The following DLGAP1 variants were observed in gnomAD, a reference collection of about 807,000 sequenced individuals.
The protein encoded by DLGAP1 is disks large-associated protein 1.
DLGAP1 carries 11 observed loss-of-function variants against 90.8 expected under a neutral mutation model. That is an observed-to-expected ratio of 0.12 (90% CI 0.08 to 0.20). The LOEUF is 0.20. Ranked by LOEUF, DLGAP1 falls within the 10% of genes least tolerant of loss-of-function variation. The probability of loss-of-function intolerance (pLI) is 1.00; values close to 1 mark genes in which losing one functional copy is unlikely to be tolerated. For missense variants in DLGAP1, 1,050 were observed against 1,333.8 expected, an observed-to-expected ratio of 0.79 and a Z score of 3.31; for synonymous variants, 558 against 540.7, an observed-to-expected ratio of 1.03 and a Z score of -0.44.
chr18:4,141,541 T>C (rs1598472602), intron 2 of DLGAP1, among the ~76,000 whole-genome samples: 1 of 151,992 alleles, frequency 6.6e-6, no homozygotes, highest in African/African-American at 2.4e-5. Flanking sequence ...GTCTTAATAT[T>C]ATAAAAACAG....
chr18:4,164,275 A>G (rs1014807388), intron 1 of DLGAP1, among the ~76,000 whole-genome samples: 3 of 152,226 alleles, frequency 2.0e-5, no homozygotes, highest in Non-Finnish European at 4.4e-5. Context: ...AATCAAGGAA[A>G]CAACAACTTG....
At chr18:3,777,878 A>G (rs1194620942) in intron 5 of DLGAP1, among the ~76,000 whole-genome samples, 2 of 152,224 alleles carry the variant, frequency 1.3e-5, no homozygotes, top group Non-Finnish European at 1.5e-5. Context: ...CTTTAGATCT[A>G]AAGTCAGAGT....
chr18:3,640,344 A>T (rs1050061733), intron 7 of DLGAP1, among the ~76,000 whole-genome samples: 3 of 152,236 alleles, frequency 2.0e-5, no homozygotes, highest in African/African-American at 7.2e-5. Context: ...TCTTAGGAGC[A>T]AAGCCAGAAT....
intron 7 of DLGAP1, among the ~76,000 whole-genome samples, chr18:3,689,732 G>A (rs1433019218): frequency 2.0e-5 from 3 of 151,988 alleles, no homozygotes; most frequent in Admixed American, 6.6e-5. Context: ...TGTATGCCTT[G>A]GAAGACCAGT....
chr18:3,568,382 T>C (rs115115188), intron 8 of DLGAP1, among the ~76,000 whole-genome samples: 1,553 of 152,282 alleles, frequency 0.01, 16 homozygotes, highest in African/African-American at 0.035. Context: ...AGTTTCTAAA[T>C]AGCTATGTGT....
intron 10 of DLGAP1, among the ~76,000 whole-genome samples, chr18:3,511,003 G>A (rs552875087): frequency 1.4e-4 from 21 of 152,190 alleles, no homozygotes; most frequent in Non-Finnish European, 2.4e-4. Context: ...AAGTATCTGG[G>A]GTGGAGTTGT....
At chr18:4,075,141 C>A (rs927750453) in intron 2 of DLGAP1, among the ~76,000 whole-genome samples, 15 of 152,190 alleles carry the variant, frequency 9.9e-5, no homozygotes, top group African/African-American at 3.6e-4. Flanking sequence ...GGGGCAGCCA[C>A]TTGACATTAA....
chr18:3,790,995 C>G (rs1055890165), intron 5 of DLGAP1, among the ~76,000 whole-genome samples: 1 of 152,152 alleles, frequency 6.6e-6, no homozygotes, highest in Non-Finnish European at 1.5e-5. Flanking sequence ...AAGAACCAAC[C>G]AGGCTCCCGC....
intron 1 of DLGAP1, among the ~76,000 whole-genome samples, chr18:4,437,254 C>T (rs751735172): frequency 1.3e-5 from 2 of 152,112 alleles, no homozygotes; most frequent in Admixed American, 1.3e-4. Context: ...AACATACTAG[C>T]CAAGTGGAAC....
At chr18:4,340,273 T>C (rs1475854314) in intron 1 of DLGAP1, among the ~76,000 whole-genome samples, 1 of 152,092 alleles carries the variant, frequency 6.6e-6, no homozygotes, top group Admixed American at 6.6e-5. Context: ...GACTAATGGG[T>C]GGGGAGTGTA....
At chr18:3,539,214 G>A (rs1004720823) in intron 9 of DLGAP1, among the ~76,000 whole-genome samples, 5 of 152,172 alleles carry the variant, frequency 3.3e-5, no homozygotes, top group African/African-American at 1.2e-4. Context: ...CTGCAATTTT[G>A]ATAGGAACAC....
intron 2 of DLGAP1, among the ~76,000 whole-genome samples, chr18:4,118,038 C>A (rs1024483333): frequency 6.6e-6 from 1 of 152,000 alleles, no homozygotes; most frequent in African/African-American, 2.4e-5. Context: ...CAGGAGGGTT[C>A]TTCTTGGTGG....
intron 3 of DLGAP1, among the ~76,000 whole-genome samples, chr18:3,932,260 T>A (rs1035438802): frequency 6.6e-6 from 1 of 152,140 alleles, no homozygotes; most frequent in East Asian, 1.9e-4. Flanking sequence ...AGTACACACA[T>A]ATAGCCCAGG....
chr18:4,397,352 AC>A (rs1196088239), intron 1 of DLGAP1, among the ~76,000 whole-genome samples: 2 of 152,222 alleles, frequency 1.3e-5, no homozygotes, highest in East Asian at 1.9e-4. Flanking sequence ...CAGAGTAAGT[AC>A]TAAAATAGAT....
chr18:3,976,589 T>C (rs1039127096), intron 3 of DLGAP1, among the ~76,000 whole-genome samples: 1 of 152,212 alleles, frequency 6.6e-6, no homozygotes, highest in Non-Finnish European at 1.5e-5. Flanking sequence ...TTTAAATCTA[T>C]ACCTATGTCA....
chr18:3,905,697 G>A (rs1284098406), intron 3 of DLGAP1, among the ~76,000 whole-genome samples: 1 of 152,070 alleles, frequency 6.6e-6, no homozygotes, highest in Non-Finnish European at 1.5e-5. Flanking sequence ...AGTGAATTTC[G>A]AACTAGAAAA....
chr18:4,141,139 ATC>A (rs2076488363), intron 2 of DLGAP1, among the ~76,000 whole-genome samples: 1 of 151,910 alleles, frequency 6.6e-6, no homozygotes, highest in South Asian at 2.1e-4. Context: ...TGATTTCTAT[ATC>A]TGTCTTCTCT....
At chr18:3,809,470 A>C (rs1052728535) in intron 5 of DLGAP1, among the ~76,000 whole-genome samples, 2 of 152,182 alleles carry the variant, frequency 1.3e-5, no homozygotes, top group Non-Finnish European at 2.9e-5. Context: ...GAAAATGAAA[A>C]ATGATTTGCC....
Position 3,669,005 on chromosome 18 carries a change from T to A in DLGAP1, c.1591+60130A>T, listed in dbSNP as rs28446951. 2.6e-5 allele frequency among the ~76,000 whole-genome samples: 4 copies of A among 151,830 alleles called. No homozygotes were observed. The South Asian group carries it at 8.3e-4, about 32-fold the overall frequency. On this transcript the variant is annotated intron_variant, in intron 7 of 12. Coordinates refer to ENST00000315677, the MANE Select transcript of DLGAP1 (RefSeq NM_004746.4). Reference sequence around the variant, plus strand: ...TCTCAAAATAAATAAATAAATAAATTAAAAAGCAATAGAATGATCTACATA... The same window carrying A: ...TCTCAAAATAAATAAATAAATAAATAAAAAAGCAATAGAATGATCTACATA...
Sources: gnomAD v4.1 joint callset for allele counts (sites outside exome capture counted in the v4.1 genomes callset) on GRCh38, gnomAD v4.1.1 for gene constraint, MANE v1.5 for transcripts, NCBI Gene and HGNC (gene_info 2026-07-23, HGNC 2026-07-21) for gene names.